Variants in PLCL2 observed in about 807,000 individuals in gnomAD.
PLCL2 encodes the protein phospholipase C like 2.
In PLCL2, 4 loss-of-function variants were observed where a neutral mutation model predicts 79.6. That is an observed-to-expected ratio of 0.05 (90% confidence interval 0.02 to 0.11). The LOEUF (loss-of-function observed/expected upper bound fraction) is 0.11. PLCL2 is among the 10% of genes least tolerant of loss of function. The pLI is 1.00. For synonymous variants in PLCL2, 484 were observed against 457.7 expected, an observed-to-expected ratio of 1.06 and a Z score of -0.73; for missense variants, 895 against 1,291.0, an observed-to-expected ratio of 0.69 and a Z score of 4.70.
At position 17,010,063 on chromosome 3, in the gene PLCL2, A is replaced by G. The variant is rs2064304093; in HGVS notation, c.717A>G (p.Ala239=). 1 of 1,612,720 alleles carries G rather than the reference A, an allele frequency of 6.2e-7. No homozygotes were observed. Among genetic ancestry groups the G allele is most frequent in the Non-Finnish European group, 8.5e-7 (1 of 1,178,684 alleles). The change falls in exon 2 of 6, where the codon GCA becomes GCG. Residue 239 remains alanine, a synonymous_variant. Transcript: ENST00000615277. The surrounding 1 kb of genome is among the most constrained non-coding windows in gnomAD (Gnocchi z 5.8). ...LDLVANSADV[A]NIWVTGLRYL... is the part of the protein sequence containing the mutation. ...TGGTTGCCAACTCCGCAGATGTTGC[A>G]AACATCTGGGTTACAGGACTGCGGT...
intron 5 of PLCL2, among the ~76,000 whole-genome samples, chr3:17,073,199 A>G (rs532379464): frequency 1.3e-5 from 2 of 152,300 alleles, no homozygotes; most frequent in African/African-American, 4.8e-5. Context: ...TACCTTGGAG[A>G]CTGCTTGATC....
At chr3:16,980,760 G>A (rs1350979551) in intron 1 of PLCL2, among the ~76,000 whole-genome samples, 2 of 152,304 alleles carry the variant, frequency 1.3e-5, no homozygotes, top group Admixed American at 6.5e-5. Context: ...CTGCAATCTC[G>A]GCACTTTGGG....
At chr3:17,074,250 T>C (rs765200665) in intron 5 of PLCL2, among the ~76,000 whole-genome samples, 1 of 152,254 alleles carries the variant, frequency 6.6e-6, no homozygotes, top group Non-Finnish European at 1.5e-5. Context: ...TGCATCCCTA[T>C]CAGAGTGCTT....
chr3:17,071,159 G>A (rs1363234196), intron 5 of PLCL2, among the ~76,000 whole-genome samples: 1 of 152,090 alleles, frequency 6.6e-6, no homozygotes, highest in Non-Finnish European at 1.5e-5. Flanking sequence ...AGGTAGGGTG[G>A]CCAGCCATCC....
chr3:17,076,886 A>C (rs1421979764), intron 5 of PLCL2, among the ~76,000 whole-genome samples: 2 of 152,166 alleles, frequency 1.3e-5, no homozygotes, highest in Non-Finnish European at 2.9e-5. Context: ...TGTTTTCTGT[A>C]ATATCTAATC....
At chr3:17,004,708 A>T (rs1274408734) in intron 1 of PLCL2, among the ~76,000 whole-genome samples, 2 of 152,014 alleles carry the variant, frequency 1.3e-5, no homozygotes, top group Non-Finnish European at 2.9e-5. Flanking sequence ...ATTCAGAGTT[A>T]TTGTTATTGA....
intron 3 of PLCL2, among the ~76,000 whole-genome samples, chr3:17,020,413 C>T (rs1339210849): frequency 6.6e-6 from 1 of 152,126 alleles, no homozygotes; most frequent in Non-Finnish European, 1.5e-5. Context: ...TGAAGCCCAT[C>T]TCTCTCTTAC....
intron 1 of PLCL2, among the ~76,000 whole-genome samples, chr3:16,946,546 T>G (rs1368658870): frequency 6.6e-6 from 1 of 152,182 alleles, no homozygotes; most frequent in South Asian, 2.1e-4. Context: ...TGGGTTGGTC[T>G]GAGATTATAA....
chr3:17,066,635 C>T (rs1290255014), intron 4 of PLCL2, among the ~76,000 whole-genome samples: 1 of 152,196 alleles, frequency 6.6e-6, no homozygotes, highest in African/African-American at 2.4e-5. Flanking sequence ...CAACGTCCTT[C>T]AGTAGGGGAC....
chr3:17,067,202 A>G (rs1229919344), intron 4 of PLCL2, among the ~76,000 whole-genome samples: 2 of 152,106 alleles, frequency 1.3e-5, no homozygotes, highest in African/African-American at 2.4e-5. Context: ...TCTTAAGGAC[A>G]AAAAAATGCT....
chr3:16,942,642 T>TGA (rs567209840), intron 1 of PLCL2, among the ~76,000 whole-genome samples: 102 of 152,246 alleles, frequency 6.7e-4, no homozygotes, highest in Non-Finnish European at 1.1e-3. Flanking sequence ...CCTATTCTCT[T>TGA]TTTCAAATTT....
chr3:17,059,889 C>T (rs1392788708), intron 4 of PLCL2, among the ~76,000 whole-genome samples: 2 of 152,134 alleles, frequency 1.3e-5, no homozygotes, highest in Non-Finnish European at 2.9e-5. Flanking sequence ...GAAACATGGA[C>T]AGGCTGCAGT....
intron 4 of PLCL2, among the ~76,000 whole-genome samples, chr3:17,056,954 GCAGA>G (rs2064897816): frequency 6.6e-6 from 1 of 152,144 alleles, no homozygotes; most frequent in Non-Finnish European, 1.5e-5. Flanking sequence ...CCAAAGCTTA[GCAGA>G]CTTTATCATC....
intron 1 of PLCL2, among the ~76,000 whole-genome samples, chr3:16,992,193 G>C (rs930133158): frequency 6.6e-6 from 1 of 152,182 alleles, no homozygotes; most frequent in Non-Finnish European, 1.5e-5. Context: ...AGAGGGATTG[G>C]GTGGTGATCG....
At chr3:16,969,660 C>T (rs1452317637) in intron 1 of PLCL2, among the ~76,000 whole-genome samples, 3 of 151,950 alleles carry the variant, frequency 2.0e-5, no homozygotes, top group Admixed American at 1.3e-4. Context: ...AGCTAGCAGT[C>T]TATCCGTCTT....
intron 3 of PLCL2, among the ~76,000 whole-genome samples, chr3:17,023,002 G>A (rs1279381862): frequency 6.6e-6 from 1 of 152,136 alleles, no homozygotes; most frequent in Non-Finnish European, 1.5e-5. Context: ...TCACAAAGTG[G>A]CCAGTGGTTG....
At chr3:16,943,400 G>C (rs2063571213) in intron 1 of PLCL2, among the ~76,000 whole-genome samples, 1 of 152,200 alleles carries the variant, frequency 6.6e-6, no homozygotes, top group African/African-American at 2.4e-5. Context: ...TTGAGTGCCA[G>C]CCTATCCTGA....
chr3:16,907,183 T>C (rs904232360), intron 1 of PLCL2, among the ~76,000 whole-genome samples: 1 of 147,168 alleles, frequency 6.8e-6, no homozygotes, highest in South Asian at 2.1e-4. Flanking sequence ...TAATAACTTA[T>C]ACCTCAAAAT....
chr3:17,065,271 G>A (rs565496687), intron 4 of PLCL2, among the ~76,000 whole-genome samples: 16 of 152,120 alleles, frequency 1.1e-4, no homozygotes, highest in African/African-American at 3.9e-4. Context: ...AGCTACACTT[G>A]TTTCTTTAAA....
Sources: gnomAD v4.1 joint callset for allele counts (sites outside exome capture counted in the v4.1 genomes callset) on GRCh38, gnomAD v4.1.1 for gene constraint, Gnocchi (gnomAD v3.1) non-coding constraint, MANE v1.5 for transcripts, NCBI Gene and HGNC (gene_info 2026-07-23, HGNC 2026-07-21) for gene names.